Variants in KDM3B observed in about 807,000 individuals in gnomAD.
The protein encoded by KDM3B is lysine demethylase 3B.
In KDM3B, 10 loss-of-function variants were observed where a neutral mutation model predicts 170.0. The observed-to-expected ratio is 0.06, with a 90% CI of 0.04 to 0.10. KDM3B has a LOEUF of 0.10. Ranked by LOEUF, KDM3B falls within the 10% of genes least tolerant of loss-of-function variation. The pLI is 1.00. For synonymous variants in KDM3B, 831 were observed against 834.8 expected, an observed-to-expected ratio of 1.00 and a Z score of 0.08; for missense variants, 1,394 against 2,195.2, an observed-to-expected ratio of 0.64 and a Z score of 7.29.
rs761737410 is a variant in KDM3B, at chr5:138,424,197, A to C, written c.4095A>C (p.Glu1365Asp). Residue 1365 changes from glutamate to aspartate, a missense_variant, in exon 16 of 24, where the codon GAA becomes GAC. Coordinates refer to ENST00000314358, the MANE Select transcript of KDM3B (RefSeq NM_016604.4). The stretch of plus-strand genomic sequence containing the variant: ...GCAACTTGACTGATACCCAGAAGGA[A>C]GTGAAGGAGATGGTGATGGGGTTAA... ...RACNLTDTQK[E>D]VKEMVMGLNV... The C allele has an allele frequency of 1.9e-6, 3 of 1,614,164 alleles. No homozygotes were observed. In the South Asian group the frequency reaches 3.3e-5, roughly 18 times the overall value.
At chr5:138,410,090 G>GA (rs1267249170) in intron 11 of KDM3B, among the ~76,000 whole-genome samples, 1 of 114,834 alleles carries the variant, frequency 8.7e-6, no homozygotes, top group African/African-American at 3.5e-5. Context: ...CTTCTTAAAA[G>GA]AAAAAAAGAA....
intron 11 of KDM3B, among the ~76,000 whole-genome samples, chr5:138,409,286 C>T (rs997329289): frequency 6.6e-6 from 1 of 151,574 alleles, no homozygotes; most frequent in African/African-American, 2.4e-5. Flanking sequence ...ACATGATCAT[C>T]TATGTAGAAA....
rs114297724 is a variant in KDM3B, at chr5:138,362,042, G to A, written c.192+9055G>A. Among the ~76,000 whole-genome samples the A allele has an allele frequency of 7.1e-3, 1,080 of 152,212 alleles. 6 individuals carry two copies. Among genetic ancestry groups the A allele is most frequent in the African/African-American group, 0.024 (1,004 of 41,540 alleles). ...CATCCTCCAAAAGGAACTCTAGGCCGGGCGCTGTGGCTCACGCCTGTAATC... is the reference window on the plus strand; with the variant it reads ...CATCCTCCAAAAGGAACTCTAGGCCAGGCGCTGTGGCTCACGCCTGTAATC... On this transcript the variant is annotated intron_variant, in intron 1 of 23. Coordinates refer to ENST00000314358, the MANE Select transcript of KDM3B (RefSeq NM_016604.4).
At chr5:138,397,901 T>A in intron 9 of KDM3B, 1 of 253,038 alleles carries the variant, frequency 4.0e-6, no homozygotes, top group Non-Finnish European at 7.5e-6. Context: ...TGTGTTTTTA[T>A]CTGGTCACAT....
chr5:138,366,728 T>C (rs1023935815), intron 1 of KDM3B, among the ~76,000 whole-genome samples: 14 of 152,032 alleles, frequency 9.2e-5, no homozygotes, highest in African/African-American at 3.1e-4. Flanking sequence ...CTCAGATAGG[T>C]CTAGGGAGGA....
At chr5:138,374,187 T>C in intron 2 of KDM3B, 1 of 334,668 alleles carries the variant, frequency 3.0e-6, no homozygotes, top group Non-Finnish European at 6.1e-6. Flanking sequence ...AGAGACAGGG[T>C]TTCACCATGT....
At chr5:138,375,250 C>G (rs1056768964) in intron 3 of KDM3B, 44 bp downstream of exon 3, 7 of 1,238,580 alleles carry the variant, frequency 5.7e-6, no homozygotes, top group Non-Finnish European at 7.1e-6. Flanking sequence ...ATTTTTTTCG[C>G]TGCTAATTTC....
chr5:138,377,100 GT>G (rs1762019041), intron 3 of KDM3B, among the ~76,000 whole-genome samples: 1 of 152,136 alleles, frequency 6.6e-6, no homozygotes, highest in Non-Finnish European at 1.5e-5. Flanking sequence ...TGATTTCTTT[GT>G]TGATATGTCT....
At chr5:138,407,791 C>G (rs994042815) in intron 11 of KDM3B, among the ~76,000 whole-genome samples, 33 of 152,158 alleles carry the variant, frequency 2.2e-4, no homozygotes, top group Non-Finnish European at 4.9e-4. Flanking sequence ...CTGTTCCCCA[C>G]ACAACACCTC....
At chr5:138,406,375 G>T (rs1199819755) in intron 11 of KDM3B, among the ~76,000 whole-genome samples, 2 of 152,166 alleles carry the variant, frequency 1.3e-5, no homozygotes, top group African/African-American at 4.8e-5. Context: ...CAGGCACAGT[G>T]GCTCACGCCT....
intron 23 of KDM3B, 141 bp downstream of exon 23, chr5:138,431,700 G>T: frequency 1.3e-6 from 1 of 746,710 alleles, no homozygotes; most frequent in Non-Finnish European, 2.0e-6. Flanking sequence ...AGAAGTTTGG[G>T]GATATGGAGT....
chr5:138,374,143 G>A (rs1035089725), intron 2 of KDM3B, among the ~76,000 whole-genome samples: 8 of 150,790 alleles, frequency 5.3e-5, no homozygotes, highest in South Asian at 4.2e-4. Context: ...ACAGGCATGC[G>A]CCACCATGCC....
chr5:138,408,113 A>G (rs945248509), intron 11 of KDM3B, among the ~76,000 whole-genome samples: 1 of 152,216 alleles, frequency 6.6e-6, no homozygotes, highest in Non-Finnish European at 1.5e-5. Context: ...GGAGCAGACA[A>G]GATGGCACCA....
chr5:138,430,913 G>C (rs759638190), intron 22 of KDM3B, among the ~76,000 whole-genome samples: 1 of 151,992 alleles, frequency 6.6e-6, no homozygotes, highest in Non-Finnish European at 1.5e-5. Flanking sequence ...TTTAAACAAT[G>C]CAAGCTATTA....
chr5:138,410,256 A>G (rs1762928297), intron 11 of KDM3B, among the ~76,000 whole-genome samples: 1 of 152,220 alleles, frequency 6.6e-6, no homozygotes, highest in African/African-American at 2.4e-5. Context: ...CAGTGGATCT[A>G]GAATACCCAA....
chr5:138,368,680 A>G (rs1258510467), intron 1 of KDM3B, among the ~76,000 whole-genome samples: 3 of 152,230 alleles, frequency 2.0e-5, no homozygotes, highest in African/African-American at 7.2e-5. Flanking sequence ...ATTTACATAT[A>G]TCTACATTCC....
At chr5:138,422,537 G>T (rs1437306859) in intron 15 of KDM3B, among the ~76,000 whole-genome samples, 2 of 152,162 alleles carry the variant, frequency 1.3e-5, no homozygotes, top group African/African-American at 4.8e-5. Flanking sequence ...CTACTCGGGA[G>T]GTTGAGGCAG....
chr5:138,365,253 C>CT (rs374137491), intron 1 of KDM3B, among the ~76,000 whole-genome samples: 2 of 152,012 alleles, frequency 1.3e-5, no homozygotes, highest in African/African-American at 2.4e-5. Flanking sequence ...ATACAGGATT[C>CT]TTTTTTTTCT....
chr5:138,386,369 G>A lies in KDM3B; in HGVS notation c.1128G>A (p.Gly376=). ...TGGTGCAGGATGAGCCTGTAGGTGGGGACACACCTGCATCTTTCACTCCAT... is the reference window on the plus strand; with the variant it reads ...TGGTGCAGGATGAGCCTGTAGGTGGAGACACACCTGCATCTTTCACTCCAT... ...TLVVQDEPVG[G]DTPASFTPYS... Residue 376 remains glycine (G), a synonymous_variant, in exon 7 of 24, where the codon GGG becomes GGA. Coordinates refer to ENST00000314358, the MANE Select transcript of KDM3B (RefSeq NM_016604.4). 1 of 1,614,192 alleles carries A rather than the reference G, an allele frequency of 6.2e-7. No homozygotes were observed.
Sources: gnomAD v4.1 joint callset for allele counts (sites outside exome capture counted in the v4.1 genomes callset) on GRCh38, gnomAD v4.1.1 for gene constraint, MANE v1.5 for transcripts, NCBI Gene and HGNC (gene_info 2026-07-23, HGNC 2026-07-21) for gene names.